The following NR6A1 variants were observed in gnomAD, a reference collection of about 807,000 sequenced individuals.
NR6A1 encodes nuclear receptor subfamily 6 group A member 1.
NR6A1 carries 7 observed loss-of-function variants against 59.1 expected under a neutral mutation model. The ratio of observed to expected loss-of-function variants is 0.12; its 90% confidence interval spans 0.07 to 0.22. NR6A1 has a LOEUF of 0.22. Ranked by LOEUF, NR6A1 falls within the 10% of genes least tolerant of loss-of-function variation. The pLI is 1.00. For synonymous variants in NR6A1, 243 were observed against 236.1 expected (o/e 1.03, Z -0.27); for missense variants, 468 against 611.6 (o/e 0.77, Z 2.48).
chr9:124,660,313 T>C (rs2130940010), intron 2 of NR6A1, among the ~76,000 whole-genome samples: 1 of 152,314 alleles, frequency 6.6e-6, no homozygotes, highest in East Asian at 1.9e-4. Flanking sequence ...GTGAATAAAA[T>C]GATACTTGGG....
At chr9:124,678,203 A>G (rs572841745) in intron 2 of NR6A1, among the ~76,000 whole-genome samples, 2 of 152,320 alleles carry the variant, frequency 1.3e-5, no homozygotes, top group African/African-American at 2.4e-5. Context: ...CCATGCTCCC[A>G]TGCCTAGAGG....
intron 2 of NR6A1, among the ~76,000 whole-genome samples, chr9:124,624,909 CTTGT>C (rs1394589521): frequency 2.3e-4 from 26 of 112,652 alleles, no homozygotes; most frequent in Admixed American, 1.7e-3. Flanking sequence ...CTGTTGCTAG[CTTGT>C]TTTTTTTTTT....
chr9:124,617,813 C>G (rs976645052), intron 2 of NR6A1, among the ~76,000 whole-genome samples: 1 of 152,090 alleles, frequency 6.6e-6, no homozygotes, highest in Non-Finnish European at 1.5e-5. Context: ...TATGGCAGAC[C>G]CTCGTACCTG....
chr9:124,668,720 T>C (rs1837701704), intron 2 of NR6A1, among the ~76,000 whole-genome samples: 1 of 152,206 alleles, frequency 6.6e-6, no homozygotes, highest in South Asian at 2.1e-4. Flanking sequence ...CCAATTATTC[T>C]CTAATATAAA....
At chr9:124,569,957 A>G (rs1346783228) in intron 2 of NR6A1, among the ~76,000 whole-genome samples, 2 of 152,216 alleles carry the variant, frequency 1.3e-5, no homozygotes, top group African/African-American at 4.8e-5. Context: ...ATTCTTACTG[A>G]TCACTAGTGT....
At chr9:124,539,260 T>G (rs1272628687) in intron 5 of NR6A1, among the ~76,000 whole-genome samples, 2 of 152,142 alleles carry the variant, frequency 1.3e-5, no homozygotes, top group Non-Finnish European at 2.9e-5. Flanking sequence ...CTCCTATAAC[T>G]GGGGTTGGCA....
At chr9:124,713,217 T>A (rs993044805) in intron 2 of NR6A1, among the ~76,000 whole-genome samples, 5 of 152,116 alleles carry the variant, frequency 3.3e-5, no homozygotes, top group Non-Finnish European at 7.4e-5. Flanking sequence ...AAAATGAAGC[T>A]GGCCTTTACC....
intron 7 of NR6A1, among the ~76,000 whole-genome samples, chr9:124,529,490 G>A (rs950463097): frequency 9.2e-5 from 14 of 152,180 alleles, no homozygotes; most frequent in African/African-American, 2.9e-4. Context: ...AGCAGAAAAA[G>A]AGATGGCTAC....
chr9:124,653,873 A>G (rs961492493), intron 2 of NR6A1, among the ~76,000 whole-genome samples: 1 of 152,236 alleles, frequency 6.6e-6, no homozygotes, highest in Admixed American at 6.5e-5. Flanking sequence ...TATGTCTTCA[A>G]GAACATATTA....
At chr9:124,687,725 C>G (rs1312865099) in intron 2 of NR6A1, among the ~76,000 whole-genome samples, 2 of 152,118 alleles carry the variant, frequency 1.3e-5, no homozygotes, top group Non-Finnish European at 2.9e-5. Flanking sequence ...AATTAGTAGT[C>G]AAAGTGCTGG....
At chr9:124,676,701 G>A (rs1231485730) in intron 2 of NR6A1, among the ~76,000 whole-genome samples, 3 of 152,138 alleles carry the variant, frequency 2.0e-5, no homozygotes, top group Admixed American at 6.5e-5. Flanking sequence ...ATAGAGTGAT[G>A]ATTACTTTCT....
chr9:124,600,661 C>A (rs886827223), intron 2 of NR6A1, among the ~76,000 whole-genome samples: 3 of 152,156 alleles, frequency 2.0e-5, no homozygotes, highest in East Asian at 1.9e-4. Context: ...TACTAACTCA[C>A]AAGCAGTGCA....
At chr9:124,600,193 A>G (rs181286300) in intron 2 of NR6A1, among the ~76,000 whole-genome samples, 1 of 152,356 alleles carries the variant, frequency 6.6e-6, no homozygotes, top group Admixed American at 6.5e-5. Context: ...ACAGAGGTTA[A>G]AACAAAAAAC....
intron 5 of NR6A1, among the ~76,000 whole-genome samples, chr9:124,539,495 A>C (rs1412025171): frequency 3.9e-5 from 6 of 152,250 alleles, no homozygotes; most frequent in Non-Finnish European, 8.8e-5. Context: ...TTCTGGGGAA[A>C]GGAAAGCTTC....
rs1214296168 is a variant in NR6A1, at chr9:124,771,244, T to C, written c.-125A>G. ...GCCCGCGAGCTCCCGGCCGCGGCTC[T>C]CTCTGGGCCCCGAGCCGCCCGGCTC... is the stretch of plus-strand genomic sequence containing the variant. On this transcript the variant is annotated 5_prime_UTR_variant, in exon 1 of 10. Transcript: ENST00000487099. 1.2e-5 allele frequency: 6 copies of C among 486,332 alleles called. No homozygotes were observed. The highest frequency in any genetic ancestry group is 2.0e-5 in the Non-Finnish European group (6 of 307,398). The allele number at this position is 486,332 out of a possible 1,614,324, so 30.1% of individuals were successfully genotyped here.
intron 2 of NR6A1, among the ~76,000 whole-genome samples, chr9:124,637,845 C>A (rs1170345657): frequency 7.2e-6 from 1 of 138,674 alleles, no homozygotes; most frequent in African/African-American, 2.6e-5. Flanking sequence ...TGAGCTGAGA[C>A]TGTGCCACTG....
rs1769701323 is a variant in NR6A1 at position 124,518,116 on chromosome 9, G to A, written c.*4589C>T. 1 of 150,418 alleles carries A rather than the reference G, an allele frequency of 6.6e-6. No homozygotes were observed. Among genetic ancestry groups the A allele is most frequent in the South Asian group, 2.2e-4 (1 of 4,610 alleles). 9.3% of individuals were successfully genotyped at this position (150,418 alleles called of 1,614,324 possible). A position where few individuals can be genotyped will look rare whatever the true frequency, so the allele number is the denominator to read the frequency against. ...AACACAACTTTTGTTCTTGGGCTTG[G>A]AGCAGGCTCTGACCTTACTCACCGC... On this transcript the variant is annotated 3_prime_UTR_variant, in exon 10 of 10. Coordinates refer to ENST00000487099, the MANE Select transcript of NR6A1 (RefSeq NM_033334.4).
At chr9:124,724,344 A>G (rs1239806445) in intron 2 of NR6A1, among the ~76,000 whole-genome samples, 2 of 152,124 alleles carry the variant, frequency 1.3e-5, no homozygotes, top group African/African-American at 4.8e-5. Context: ...ACCATACATT[A>G]TTCTACTACC....
At chr9:124,695,130 C>T (rs999123318) in intron 2 of NR6A1, among the ~76,000 whole-genome samples, 1 of 152,198 alleles carries the variant, frequency 6.6e-6, no homozygotes, top group Non-Finnish European at 1.5e-5. Flanking sequence ...TCAACTATTG[C>T]CCAACCTTTT....
Sources: allele counts gnomAD v4.1 joint callset (sites outside exome capture counted in the v4.1 genomes callset), GRCh38; gene constraint gnomAD v4.1.1; transcripts MANE v1.5; gene names NCBI Gene and HGNC (gene_info 2026-07-23, HGNC 2026-07-21).